Variants in EYS observed in about 807,000 individuals in gnomAD.
The protein encoded by EYS is EGF-like photoreceptor maintenance factor, also known as protein eyes shut homolog.
In EYS, 250 loss-of-function variants were observed where a neutral mutation model predicts 282.1. That is an observed-to-expected ratio of 0.89 (90% CI 0.80 to 0.98). The LOEUF (loss-of-function observed/expected upper bound fraction) is 0.98. EYS is among the 50% of genes least tolerant of loss of function. EYS has a pLI of 0.00. For synonymous variants in EYS, 1,355 were observed against 1,282.9 expected (o/e 1.06, Z -1.20); for missense variants, 4,016 against 3,709.0 (o/e 1.08, Z -2.15).
At chr6:64,323,631 A>G (rs1770299480) in intron 29 of EYS, among the ~76,000 whole-genome samples, 2 of 152,256 alleles carry the variant, frequency 1.3e-5, no homozygotes, top group South Asian at 4.1e-4. Flanking sequence ...AATTTTGAGG[A>G]GGGAGCTAGT....
chr6:63,782,781 G>T (rs1582202720), intron 39 of EYS, among the ~76,000 whole-genome samples: 1 of 151,970 alleles, frequency 6.6e-6, no homozygotes, highest in Admixed American at 6.6e-5. Context: ...GTTATTTATT[G>T]CCTTCTGCTA....
chr6:65,053,291 T>C (rs1034085808), intron 13 of EYS, among the ~76,000 whole-genome samples: 35 of 151,744 alleles, frequency 2.3e-4, no homozygotes, highest in African/African-American at 8.0e-4. Context: ...ACACTCAAGG[T>C]GCCATATCTT....
At chr6:64,877,007 A>G (rs1766769221) in intron 19 of EYS, among the ~76,000 whole-genome samples, 1 of 152,184 alleles carries the variant, frequency 6.6e-6, no homozygotes, top group African/African-American at 2.4e-5. Context: ...TTTTAACATC[A>G]GAAGAGGGAA....
At chr6:65,627,851 C>G (rs1052279896) in intron 2 of EYS, among the ~76,000 whole-genome samples, 2 of 152,218 alleles carry the variant, frequency 1.3e-5, no homozygotes, top group South Asian at 2.1e-4. Context: ...CCTGTGCGCC[C>G]GAGCCTCCCC....
intron 31 of EYS, among the ~76,000 whole-genome samples, chr6:64,092,061 T>C (rs1157938097): frequency 1.3e-5 from 2 of 152,200 alleles, no homozygotes; most frequent in Admixed American, 6.5e-5. Flanking sequence ...CTCATCCATG[T>C]CCCTACAAAG....
At chr6:63,964,085 G>A (rs1333878045) in intron 35 of EYS, among the ~76,000 whole-genome samples, 3 of 151,408 alleles carry the variant, frequency 2.0e-5, no homozygotes, top group Non-Finnish European at 4.4e-5. Flanking sequence ...AACAGTAACA[G>A]TTTTTTTTTC....
chr6:65,128,140 T>C (rs1178830542), intron 12 of EYS, among the ~76,000 whole-genome samples: 1 of 152,048 alleles, frequency 6.6e-6, no homozygotes, highest in Admixed American at 6.6e-5. Context: ...TTTTTGGGTC[T>C]AATTTTTACA....
intron 31 of EYS, among the ~76,000 whole-genome samples, chr6:64,120,936 T>C (rs1232955407): frequency 1.3e-5 from 2 of 152,220 alleles, no homozygotes; most frequent in Non-Finnish European, 2.9e-5. Flanking sequence ...TCACTGATTA[T>C]TGGCAAATTC....
At chr6:64,580,654 G>T (rs560067891) in intron 26 of EYS, among the ~76,000 whole-genome samples, 1 of 152,106 alleles carries the variant, frequency 6.6e-6, no homozygotes, top group Non-Finnish European at 1.5e-5. Context: ...AATAACTCTT[G>T]TAAATTTTAA....
At chr6:65,254,398 G>T (rs1022169084) in intron 12 of EYS, among the ~76,000 whole-genome samples, 1 of 151,840 alleles carries the variant, frequency 6.6e-6, no homozygotes, top group African/African-American at 2.4e-5. Flanking sequence ...GTAAGAACAA[G>T]TAGGAAATTC....
intron 8 of EYS, among the ~76,000 whole-genome samples, chr6:65,361,552 C>T (rs1764710917): frequency 6.7e-6 from 1 of 150,286 alleles, no homozygotes; most frequent in African/African-American, 2.5e-5. Context: ...GCTATCTCTG[C>T]CCACTGCAAC....
At chr6:64,604,782 T>A (rs1378273752) in intron 24 of EYS, among the ~76,000 whole-genome samples, 1 of 151,976 alleles carries the variant, frequency 6.6e-6, no homozygotes, top group Non-Finnish European at 1.5e-5. Flanking sequence ...TTGTTTCTAG[T>A]CTATCCAAAA....
At chr6:65,405,045 T>C (rs1000747185) in intron 6 of EYS, 129 bp downstream of exon 6, 4 of 660,650 alleles carry the variant, frequency 6.1e-6, no homozygotes, top group Admixed American at 3.0e-5. Flanking sequence ...AAGTAGACCG[T>C]TCTTGTTCGT....
chr6:63,874,409 C>T (rs781770380), intron 35 of EYS, among the ~76,000 whole-genome samples: 7 of 151,978 alleles, frequency 4.6e-5, no homozygotes, highest in Non-Finnish European at 7.4e-5. Context: ...CTTGTAGTAC[C>T]GTTTGAAGTC....
intron 35 of EYS, among the ~76,000 whole-genome samples, chr6:63,889,494 A>T (rs1187956725): frequency 3.3e-5 from 5 of 152,228 alleles, no homozygotes. Flanking sequence ...AGAATTTTCA[A>T]CCTAGAATTT....
At chr6:65,318,831 G>A (rs1252667833) in intron 11 of EYS, among the ~76,000 whole-genome samples, 4 of 149,464 alleles carry the variant, frequency 2.7e-5, no homozygotes, top group South Asian at 4.2e-4. Flanking sequence ...TAGTAGAGAC[G>A]GGGTTTCACC....
chr6:64,116,083 G>T (rs1478256480), intron 31 of EYS, among the ~76,000 whole-genome samples: 2 of 151,976 alleles, frequency 1.3e-5, no homozygotes, highest in African/African-American at 2.4e-5. Flanking sequence ...GAACCAAAGA[G>T]AAATTCAGGT....
intron 12 of EYS, among the ~76,000 whole-genome samples, chr6:65,239,665 G>A (rs1022407457): frequency 3.3e-5 from 5 of 151,970 alleles, no homozygotes; most frequent in African/African-American, 1.2e-4. Context: ...GGGTTTAGAA[G>A]CTGGGTGCAA....
intron 29 of EYS, among the ~76,000 whole-genome samples, chr6:64,318,043 G>A (rs561891183): frequency 2.6e-5 from 4 of 152,134 alleles, no homozygotes; most frequent in East Asian, 1.9e-4. Context: ...TGGGGGCCTC[G>A]GGGAGGAATA....
Sources: allele counts gnomAD v4.1 joint callset (sites outside exome capture counted in the v4.1 genomes callset), GRCh38; gene constraint gnomAD v4.1.1; transcripts MANE v1.5; gene names NCBI Gene and HGNC (gene_info 2026-07-23, HGNC 2026-07-21).